The following SDK1 variants were observed in gnomAD, a reference collection of about 807,000 sequenced individuals.
SDK1 encodes the protein sidekick cell adhesion molecule 1.
A neutral mutation model predicts 245.5 loss-of-function variants in SDK1; 157 were observed. The ratio of observed to expected loss-of-function variants is 0.64; its 90% confidence interval spans 0.56 to 0.73. The LOEUF (loss-of-function observed/expected upper bound fraction) is 0.73. Among genes scored for constraint, SDK1 ranks in the 30% least tolerant of loss-of-function variants. The pLI, the probability that SDK1 is intolerant of heterozygous loss-of-function variation, is 0.00. For synonymous variants in SDK1, 1,647 were observed against 1,278.5 expected (o/e 1.29, Z -6.15); for missense variants, 3,583 against 3,002.3 (o/e 1.19, Z -4.52).
intron 5 of SDK1, among the ~76,000 whole-genome samples, chr7:3,898,291 AG>A (rs1473659117): frequency 6.6e-6 from 1 of 152,216 alleles, no homozygotes; most frequent in Non-Finnish European, 1.5e-5. Flanking sequence ...GGTTTCCAAC[AG>A]GTGCAAAGAT....
chr7:4,152,086 G>A (rs1308009950), intron 30 of SDK1, among the ~76,000 whole-genome samples: 4 of 152,222 alleles, frequency 2.6e-5, no homozygotes, highest in Non-Finnish European at 4.4e-5. Context: ...ATCTGTGAAA[G>A]GCAGGGCTGG....
At chr7:3,665,132 G>C (rs537875889) in intron 4 of SDK1, among the ~76,000 whole-genome samples, 1 of 152,264 alleles carries the variant, frequency 6.6e-6, no homozygotes, top group Non-Finnish European at 1.5e-5. Flanking sequence ...AAACCTCGTA[G>C]ATGGGCCCTT....
At chr7:4,111,459 G>C (rs953932018) in intron 23 of SDK1, among the ~76,000 whole-genome samples, 2 of 152,046 alleles carry the variant, frequency 1.3e-5, no homozygotes, top group African/African-American at 2.4e-5. Context: ...TAGTAATTCA[G>C]GGACTAAAAG....
At position 3,795,176 on chromosome 7, in the gene SDK1, T is replaced by A. The variant is rs140519099; in HGVS notation, c.714-26274T>A. On this transcript the variant is annotated intron_variant, in intron 4 of 44. Transcript: ENST00000404826. ...ATCTTTTAACCACATCAAGTTGCCC[T>A]AGCATACTAGACGAAATGTGTTAGG... is the stretch of plus-strand genomic sequence containing the variant. Among the ~76,000 whole-genome samples the A allele has an allele frequency of 5.8e-3, 876 of 152,290 alleles. 6 individuals are homozygous for A. Among genetic ancestry groups the A allele is most frequent in the African/African-American group, 0.02 (819 of 41,546 alleles).
At chr7:3,518,414 A>G (rs371281044) in intron 1 of SDK1, among the ~76,000 whole-genome samples, 2 of 152,128 alleles carry the variant, frequency 1.3e-5, no homozygotes, top group East Asian at 3.8e-4. Context: ...AGAATGGGAG[A>G]ACATATTTGC....
At chr7:3,450,438 T>C (rs547927454) in intron 1 of SDK1, among the ~76,000 whole-genome samples, 1 of 152,246 alleles carries the variant, frequency 6.6e-6, no homozygotes, top group East Asian at 1.9e-4. Flanking sequence ...GGGCAGATAA[T>C]AAAGTGGGAT....
At chr7:3,760,756 T>G (rs1297738736) in intron 4 of SDK1, among the ~76,000 whole-genome samples, 1 of 152,232 alleles carries the variant, frequency 6.6e-6, no homozygotes, top group Non-Finnish European at 1.5e-5. Context: ...TTCTGACTTT[T>G]CCGTTTTTGC....
chr7:3,489,399 C>T (rs1349228060), intron 1 of SDK1, among the ~76,000 whole-genome samples: 1 of 152,196 alleles, frequency 6.6e-6, no homozygotes, highest in East Asian at 1.9e-4. Context: ...GTAATTGCTG[C>T]AGCGCTGAAA....
chr7:3,318,902 A>G lies in SDK1; in HGVS notation c.298+17018A>G, dbSNP rs543797153. Among the ~76,000 whole-genome samples, 6 of 152,308 alleles carry G rather than the reference A, an allele frequency of 3.9e-5. No individual in the cohort carries two copies. In the East Asian group the frequency reaches 9.6e-4, roughly 24 times the overall value. On this transcript the variant is annotated intron_variant, in intron 1 of 44. Coordinates refer to ENST00000404826, the MANE Select transcript of SDK1 (RefSeq NM_152744.4). ...TGATTCCTTTTGTGATTGGGATTTC[A>G]GCTGGGATAGAACTGAGATTTGGAT...
chr7:3,529,954 G>A (rs1363308112), intron 1 of SDK1, among the ~76,000 whole-genome samples: 2 of 152,126 alleles, frequency 1.3e-5, no homozygotes, highest in African/African-American at 4.8e-5. Context: ...AGAGGGACAG[G>A]CCTGAACTCT....
chr7:3,602,407 T>G (rs1781281610), intron 1 of SDK1, among the ~76,000 whole-genome samples: 1 of 151,472 alleles, frequency 6.6e-6, no homozygotes, highest in South Asian at 2.1e-4. Flanking sequence ...GTGGTTTTGA[T>G]TTGCATTTAT....
chr7:3,979,567 A>C (rs192783487), intron 13 of SDK1, among the ~76,000 whole-genome samples: 1 of 152,130 alleles, frequency 6.6e-6, no homozygotes, highest in East Asian at 1.9e-4. Flanking sequence ...CTTTTGCCCT[A>C]CTGAGGAGGA....
At chr7:4,146,857 C>G (rs1780019449) in intron 29 of SDK1, among the ~76,000 whole-genome samples, 1 of 152,192 alleles carries the variant, frequency 6.6e-6, no homozygotes, top group African/African-American at 2.4e-5. Flanking sequence ...AAAGATGAGA[C>G]AGAGGAAACT....
intron 1 of SDK1, among the ~76,000 whole-genome samples, chr7:3,518,782 A>G (rs1304055703): frequency 2.6e-5 from 4 of 152,144 alleles, no homozygotes; most frequent in Admixed American, 6.6e-5. Context: ...TCCTCCAGCA[A>G]TCCCACTACT....
chr7:3,948,957 G>C (rs1336815302), intron 5 of SDK1, among the ~76,000 whole-genome samples: 3 of 152,146 alleles, frequency 2.0e-5, no homozygotes. Context: ...AGCTTCTCCG[G>C]CCGTTTCTCC....
chr7:3,450,578 A>G (rs1780483891), intron 1 of SDK1, among the ~76,000 whole-genome samples: 1 of 152,162 alleles, frequency 6.6e-6, no homozygotes, highest in East Asian at 1.9e-4. Flanking sequence ...TATGAAAACG[A>G]GGGGAGGAAT....
chr7:3,525,617 G>T (rs988381807), intron 1 of SDK1, among the ~76,000 whole-genome samples: 32 of 152,014 alleles, frequency 2.1e-4, no homozygotes, highest in African/African-American at 7.2e-4. Flanking sequence ...GTTAATTCCT[G>T]TCAGGTCTTT....
chr7:3,585,684 G>C (rs971713091), intron 1 of SDK1, among the ~76,000 whole-genome samples: 1 of 152,176 alleles, frequency 6.6e-6, no homozygotes, highest in Non-Finnish European at 1.5e-5. Flanking sequence ...GTGGCTCTGA[G>C]AGACGGGAGT....
Position 4,077,076 on chromosome 7 carries a change from A to C in SDK1, c.3089A>C (p.Tyr1030Ser). 6.2e-7 allele frequency: 1 copy of C among 1,614,212 alleles called. No individual in the cohort carries two copies. Among genetic ancestry groups the C allele is most frequent in the Non-Finnish European group, 8.5e-7 (1 of 1,180,030 alleles). Reference sequence around the variant, plus strand: ...ACCCTGAACAGCACGACGCACGAGTACAAGATCCAAGGCCTCTCATCTCTC... The same window carrying C: ...ACCCTGAACAGCACGACGCACGAGTCCAAGATCCAAGGCCTCTCATCTCTC... Reference protein sequence around the residue: ...THTLNSTTHEYKIQGLSSLTT... With the variant: ...THTLNSTTHESKIQGLSSLTT... Residue 1030 changes from tyrosine to serine, a missense_variant, in exon 21 of 45, where the codon TAC becomes TCC. Coordinates refer to ENST00000404826, the MANE Select transcript of SDK1 (RefSeq NM_152744.4).
Sources: gnomAD v4.1 joint callset for allele counts (sites outside exome capture counted in the v4.1 genomes callset) on GRCh38, gnomAD v4.1.1 for gene constraint, MANE v1.5 for transcripts, NCBI Gene and HGNC (gene_info 2026-07-23, HGNC 2026-07-21) for gene names.